Variants in MFSD6 observed in about 807,000 individuals in gnomAD.
MFSD6 encodes the protein major facilitator superfamily domain containing 6, also known as major facilitator superfamily domain-containing protein 6.
Under a neutral mutation model 56.3 loss-of-function variants are expected in MFSD6, and 26 were observed. That is an observed-to-expected ratio of 0.46 (90% CI 0.34 to 0.64). MFSD6 has a LOEUF of 0.64. MFSD6 is among the 30% of genes least tolerant of loss of function. MFSD6 has a pLI of 0.01. For synonymous variants in MFSD6, 331 were observed against 366.9 expected (o/e 0.90, Z 1.12); for missense variants, 750 against 986.2 (o/e 0.76, Z 3.21).
chr2:190,450,175 G>T (rs1240973326), intron 3 of MFSD6, among the ~76,000 whole-genome samples: 1 of 152,036 alleles, frequency 6.6e-6, no homozygotes, highest in African/African-American at 2.4e-5. Flanking sequence ...AGTTTACTGC[G>T]TTTTTATTGT....
rs1690620149 is a variant in MFSD6, at chr2:190,412,947, A to G, written c.-175-2345A>G. ...TGTTCAGACAAGTGATGTTTGGTGCAGGGGCCAAAACAGAAAAGCCAACCA... is the reference window on the plus strand; with the variant it reads ...TGTTCAGACAAGTGATGTTTGGTGCGGGGGCCAAAACAGAAAAGCCAACCA... On this transcript the variant is annotated intron_variant, in intron 1 of 7. Coordinates refer to ENST00000392328, the MANE Select transcript of MFSD6 (RefSeq NM_017694.4). The surrounding 1 kb of genome is among the most constrained non-coding windows in gnomAD (Gnocchi z 4.1). 6.6e-6 allele frequency among the ~76,000 whole-genome samples: 1 copy of G among 152,218 alleles called. No homozygotes were observed. Among genetic ancestry groups the G allele is most frequent in the Non-Finnish European group, 1.5e-5 (1 of 68,038 alleles).
In MFSD6 at chr2:190,424,043, C is replaced by T. The variant is rs2125009244; in HGVS notation, c.-54+8630C>T. 6.6e-6 allele frequency among the ~76,000 whole-genome samples: 1 copy of T among 152,306 alleles called. No homozygotes were observed. The highest frequency in any genetic ancestry group is 6.5e-5 in the Admixed American group (1 of 15,300). On this transcript the variant is annotated intron_variant, in intron 2 of 7. Transcript: ENST00000392328. This position sits in a 1 kb window ranked among gnomAD's most constrained non-coding sequence, Gnocchi z 5.9. ...ACATATTCTAGAAACTAATCCTTCG[C>T]TGGATTTGTGGTTTCCAAGTATTTT...
At chr2:190,414,468 T>C (rs1376732364) in intron 1 of MFSD6, among the ~76,000 whole-genome samples, 1 of 152,232 alleles carries the variant, frequency 6.6e-6, no homozygotes, top group Non-Finnish European at 1.5e-5. Context: ...TTATGATTCT[T>C]TTGAATGAGT....
At chr2:190,476,156 G>A (rs1435161944) in intron 4 of MFSD6, among the ~76,000 whole-genome samples, 4 of 151,242 alleles carry the variant, frequency 2.6e-5, no homozygotes, top group African/African-American at 4.9e-5. Context: ...GCATGGGCAA[G>A]GACTTCATGT....
intron 4 of MFSD6, among the ~76,000 whole-genome samples, chr2:190,481,676 C>G (rs1392478203): frequency 6.6e-6 from 1 of 152,240 alleles, no homozygotes; most frequent in Non-Finnish European, 1.5e-5. Context: ...AGCAGGCTAT[C>G]TGGCACATAA....
At chr2:190,432,305 G>T (rs1398732578) in intron 2 of MFSD6, among the ~76,000 whole-genome samples, 2 of 152,240 alleles carry the variant, frequency 1.3e-5, no homozygotes, top group African/African-American at 2.4e-5. Flanking sequence ...GGGGAAAGGG[G>T]CCAAGGCTCA....
intron 1 of MFSD6, among the ~76,000 whole-genome samples, chr2:190,408,913 GTCC>G (rs1447104290): frequency 6.6e-6 from 1 of 152,078 alleles, no homozygotes; most frequent in African/African-American, 2.4e-5. Flanking sequence ...CGATGCCCGG[GTCC>G]TCCTCCGCCC....
chr2:190,478,917 T>C (rs763126008), intron 4 of MFSD6, among the ~76,000 whole-genome samples: 1 of 152,068 alleles, frequency 6.6e-6, no homozygotes, highest in Non-Finnish European at 1.5e-5. Context: ...TAGTACTGTC[T>C]AGTACTATCT....
chr2:190,499,923 C>G lies in MFSD6; in HGVS notation c.2173-92C>G, dbSNP rs1416863461. ...AAATGGGCACTTCCGGATGATCTCC[C>G]CATGTTTCCTGTCTTACTTGAAAGC... On this transcript the variant is annotated intron_variant, in intron 7 of 7. Transcript: ENST00000392328. This position sits in a 1 kb window ranked among gnomAD's most constrained non-coding sequence, Gnocchi z 6.0. The G allele has an allele frequency of 3.1e-6, 5 of 1,587,918 alleles. No homozygotes were observed. Among genetic ancestry groups the G allele is most frequent in the Non-Finnish European group, 4.3e-6 (5 of 1,162,768 alleles).
Position 190,436,377 on chromosome 2 carries a change from C to T in MFSD6, c.348C>T (p.Cys116=). 6.2e-6 allele frequency: 10 copies of T among 1,614,198 alleles called. No homozygotes were observed. Among genetic ancestry groups the T allele is most frequent in the Non-Finnish European group, 8.5e-6 (10 of 1,180,026 alleles). Residue 116 remains cysteine (C), a synonymous_variant, in exon 3 of 8, where the codon TGC becomes TGT. Coordinates refer to ENST00000392328, the MANE Select transcript of MFSD6 (RefSeq NM_017694.4). The surrounding 1 kb of genome is among the most constrained non-coding windows in gnomAD (Gnocchi z 5.3). The stretch of plus-strand genomic sequence containing the variant: ...GTATTCGTTACTTCATTGAATTCTG[C>T]AGTGCCCCCTTTTGGGGTGTAGTTG... The part of the protein sequence containing the change: ...LVGIRYFIEF[C]SAPFWGVVAD...
At position 190,439,124 on chromosome 2, in the gene MFSD6, C is replaced by G. The variant is rs1448780833; in HGVS notation, c.1532+1563C>G. On this transcript the variant is annotated intron_variant, in intron 3 of 7. Coordinates refer to ENST00000392328, the MANE Select transcript of MFSD6 (RefSeq NM_017694.4). This position sits in a 1 kb window ranked among gnomAD's most constrained non-coding sequence, Gnocchi z 5.8. ...CCACACCATGTTTAGATTATCTGAG[C>G]TGTTTAAATTGACCGAGATGAATCA... Among the ~76,000 whole-genome samples, 2 of 151,926 alleles carry G rather than the reference C, an allele frequency of 1.3e-5. No individual in the cohort carries two copies. Among genetic ancestry groups the G allele is most frequent in the East Asian group, 3.9e-4 (2 of 5,144 alleles).
At position 190,494,936 on chromosome 2, in the gene MFSD6, G is replaced by T. The variant is rs1282556812; in HGVS notation, c.1892-2503G>T. On this transcript the variant is annotated intron_variant, in intron 6 of 7. Transcript: ENST00000392328. The surrounding 1 kb of genome is among the most constrained non-coding windows in gnomAD (Gnocchi z 5.7). Reference sequence around the variant, plus strand: ...TTGGAAGCATTCCCTCTGAAAATTGGAACAAGACAAGGATGCCCACTCTCA... The same window carrying T: ...TTGGAAGCATTCCCTCTGAAAATTGTAACAAGACAAGGATGCCCACTCTCA... 6.6e-6 allele frequency among the ~76,000 whole-genome samples: 1 copy of T among 152,106 alleles called. No homozygotes were observed. The highest frequency in any genetic ancestry group is 6.5e-5 in the Admixed American group (1 of 15,270).
rs1687224723 is a variant in MFSD6, at chr2:190,459,725, A to G, written c.1533-10033A>G. Among the ~76,000 whole-genome samples, 1 of 152,230 alleles carries G rather than the reference A, an allele frequency of 6.6e-6. No individual in the cohort carries two copies. Among genetic ancestry groups the G allele is most frequent in the Non-Finnish European group, 1.5e-5 (1 of 68,040 alleles). Reference sequence around the variant, plus strand: ...CAGTGATCCTGCTGATGGTGACCATAGTTACACTCTTAGCTTATCAGTCAT... The same window carrying G: ...CAGTGATCCTGCTGATGGTGACCATGGTTACACTCTTAGCTTATCAGTCAT... On this transcript the variant is annotated intron_variant, in intron 3 of 7. Coordinates refer to ENST00000392328, the MANE Select transcript of MFSD6 (RefSeq NM_017694.4). This position sits in a 1 kb window ranked among gnomAD's most constrained non-coding sequence, Gnocchi z 5.3.
At chr2:190,486,246 T>TC (rs957779885) in intron 4 of MFSD6, among the ~76,000 whole-genome samples, 13 of 152,234 alleles carry the variant, frequency 8.5e-5, no homozygotes, top group Non-Finnish European at 1.5e-4. Context: ...GAAGAAGTGT[T>TC]CCCCGCCTTG....
In MFSD6 at chr2:190,438,064, A is replaced by G. The variant is rs1275069288; in HGVS notation, c.1532+503A>G. On this transcript the variant is annotated intron_variant, in intron 3 of 7. Coordinates refer to ENST00000392328, the MANE Select transcript of MFSD6 (RefSeq NM_017694.4). The surrounding 1 kb of genome is among the most constrained non-coding windows in gnomAD (Gnocchi z 5.2). ...TAAGACTGTGATGTAACCCACCGTA[A>G]TCCCTAATTCCATGATATTACATGG... 6.6e-6 allele frequency among the ~76,000 whole-genome samples: 1 copy of G among 152,204 alleles called. No homozygotes were observed. Among genetic ancestry groups the G allele is most frequent in the African/African-American group, 2.4e-5 (1 of 41,438 alleles).
In MFSD6 at chr2:190,495,966, G is replaced by C. The variant is rs1173667169; in HGVS notation, c.1892-1473G>C. Among the ~76,000 whole-genome samples, 1 of 152,076 alleles carries C rather than the reference G, an allele frequency of 6.6e-6. No individual in the cohort carries two copies. Among genetic ancestry groups the C allele is most frequent in the Non-Finnish European group, 1.5e-5 (1 of 68,016 alleles). Reference sequence around the variant, plus strand: ...CGTGACCAAGAACCCAAAAGCAAATGCAACAAAAACAAAGATAAATAGATG... The same window carrying C: ...CGTGACCAAGAACCCAAAAGCAAATCCAACAAAAACAAAGATAAATAGATG... On this transcript the variant is annotated intron_variant, in intron 6 of 7. Coordinates refer to ENST00000392328, the MANE Select transcript of MFSD6 (RefSeq NM_017694.4). The surrounding 1 kb of genome is among the most constrained non-coding windows in gnomAD (Gnocchi z 4.7).
rs1227801269 is a variant in MFSD6, at chr2:190,463,603, T to C, written c.1533-6155T>C. 6.6e-6 allele frequency among the ~76,000 whole-genome samples: 1 copy of C among 152,198 alleles called. No individual in the cohort carries two copies. The highest frequency in any genetic ancestry group is 6.5e-5 in the Admixed American group (1 of 15,276). On this transcript the variant is annotated intron_variant, in intron 3 of 7. Coordinates refer to ENST00000392328, the MANE Select transcript of MFSD6 (RefSeq NM_017694.4). The surrounding 1 kb of genome is among the most constrained non-coding windows in gnomAD (Gnocchi z 4.4). Reference sequence around the variant, plus strand: ...TGGGAGGCTGAGATAGGAGGATTGCTTGAGCCCAGGAGTTCATGACCAGCC... The same window carrying C: ...TGGGAGGCTGAGATAGGAGGATTGCCTGAGCCCAGGAGTTCATGACCAGCC...
intron 1 of MFSD6, chr2:190,411,384 T>C (rs549231958): frequency 3.4e-5 from 23 of 682,298 alleles, no homozygotes; most frequent in Non-Finnish European, 3.8e-5. Flanking sequence ...GGTCTCCATC[T>C]CCTGACCTCA....
chr2:190,472,746 A>G (rs974852141), intron 4 of MFSD6, among the ~76,000 whole-genome samples: 1 of 152,164 alleles, frequency 6.6e-6, no homozygotes, highest in Non-Finnish European at 1.5e-5. Flanking sequence ...AGCCACAAAG[A>G]TACTCCTCGA....
Sources: allele counts gnomAD v4.1 joint callset (sites outside exome capture counted in the v4.1 genomes callset), GRCh38; gene constraint gnomAD v4.1.1; non-coding constraint Gnocchi (gnomAD v3.1); transcripts MANE v1.5; gene names NCBI Gene and HGNC (gene_info 2026-07-23, HGNC 2026-07-21).